ROBO1: variants seen among roughly 807,000 people sequenced by gnomAD.
ROBO1 encodes roundabout guidance receptor 1, also known as roundabout homolog 1.
ROBO1 carries 149 observed loss-of-function variants against 195.9 expected under a neutral mutation model. The ratio of observed to expected loss-of-function variants is 0.76; its 90% confidence interval spans 0.67 to 0.87. The LOEUF (loss-of-function observed/expected upper bound fraction) is 0.87, where lower values mean the gene tolerates loss of function less well. Among genes scored for constraint, ROBO1 ranks in the 40% least tolerant of loss-of-function variants. ROBO1 has a pLI of 0.00. For missense variants in ROBO1, 1,933 were observed against 2,068.3 expected, an observed-to-expected ratio of 0.93 and a Z score of 1.27; for synonymous variants, 816 against 733.2, an observed-to-expected ratio of 1.11 and a Z score of -1.82.
chr3:78,734,728 GA>G (rs1432018317), intron 5 of ROBO1, among the ~76,000 whole-genome samples: 1 of 152,038 alleles, frequency 6.6e-6, no homozygotes, highest in Admixed American at 6.6e-5. Flanking sequence ...CAAAACTGAG[GA>G]CTTTAATTCA....
intron 4 of ROBO1, among the ~76,000 whole-genome samples, chr3:78,844,289 TTG>T (rs1363010705): frequency 6.6e-5 from 10 of 152,128 alleles, no homozygotes; most frequent in Admixed American, 3.9e-4. Flanking sequence ...AGAGAATTGT[TTG>T]TGTTTTTGGA....
At chr3:79,684,789 C>T (rs1264398628) in intron 1 of ROBO1, among the ~76,000 whole-genome samples, 2 of 151,974 alleles carry the variant, frequency 1.3e-5, no homozygotes, top group East Asian at 3.9e-4. Context: ...AATTCTCCTG[C>T]CTCAGCCTCC....
chr3:79,522,728 T>C (rs1320382714), intron 2 of ROBO1, among the ~76,000 whole-genome samples: 3 of 152,184 alleles, frequency 2.0e-5, no homozygotes, highest in Non-Finnish European at 4.4e-5. Context: ...TGTTTAAAGA[T>C]AGCATTTATA....
At chr3:78,708,934 T>C (rs113347046) in intron 8 of ROBO1, among the ~76,000 whole-genome samples, 139 of 152,284 alleles carry the variant, frequency 9.1e-4, no homozygotes, top group African/African-American at 3.0e-3. Flanking sequence ...AATAACAATG[T>C]AATAAATCAA....
chr3:79,730,984 A>T (rs1703126511), intron 1 of ROBO1, among the ~76,000 whole-genome samples: 1 of 151,854 alleles, frequency 6.6e-6, no homozygotes, highest in African/African-American at 2.4e-5. Context: ...TCACTGTGTT[A>T]GCCAGGATGG....
At chr3:79,196,394 GGAGA>G (rs1384584012) in intron 2 of ROBO1, among the ~76,000 whole-genome samples, 1 of 149,968 alleles carries the variant, frequency 6.7e-6, no homozygotes, top group Non-Finnish European at 1.5e-5. Flanking sequence ...AGAGAGGGAG[GGAGA>G]GAGAAAGAAA....
intron 4 of ROBO1, among the ~76,000 whole-genome samples, chr3:78,770,007 G>A (rs2083331280): frequency 2.0e-5 from 3 of 152,102 alleles, no homozygotes; most frequent in Admixed American, 2.0e-4. Flanking sequence ...CAGCTCTTGA[G>A]ATTCTTTCCT....
At chr3:78,875,667 C>G (rs1251652585) in intron 4 of ROBO1, among the ~76,000 whole-genome samples, 1 of 151,968 alleles carries the variant, frequency 6.6e-6, no homozygotes. Context: ...GAATTCTGGC[C>G]AAGTATCCTG....
intron 29 of ROBO1, among the ~76,000 whole-genome samples, chr3:78,606,366 T>C (rs539517491): frequency 1.3e-5 from 2 of 152,324 alleles, no homozygotes; most frequent in East Asian, 3.9e-4. Flanking sequence ...AAAGATGGTC[T>C]CTGGCCCCAA....
chr3:79,665,341 A>C (rs186363883), intron 1 of ROBO1, among the ~76,000 whole-genome samples: 1 of 151,984 alleles, frequency 6.6e-6, no homozygotes, highest in Non-Finnish European at 1.5e-5. Context: ...CTTCAATATC[A>C]GTTTCTTATT....
chr3:79,555,389 A>G (rs1463545669), intron 2 of ROBO1, among the ~76,000 whole-genome samples: 1 of 152,098 alleles, frequency 6.6e-6, no homozygotes, highest in Non-Finnish European at 1.5e-5. Flanking sequence ...ATTAATTAGA[A>G]TAGTCATTCT....
At chr3:79,089,399 A>G (rs1352714329) in intron 3 of ROBO1, among the ~76,000 whole-genome samples, 1 of 152,198 alleles carries the variant, frequency 6.6e-6, no homozygotes, top group East Asian at 1.9e-4. Context: ...ATAGCCGACT[A>G]GTCAATTTTA....
intron 4 of ROBO1, among the ~76,000 whole-genome samples, chr3:78,818,813 A>G (rs185284748): frequency 6.6e-6 from 1 of 152,198 alleles, no homozygotes; most frequent in African/African-American, 2.4e-5. Flanking sequence ...CCCCTCTATC[A>G]CAGTTTCGCT....
chr3:79,678,983 TTTTC>T (rs1358476494), intron 1 of ROBO1, among the ~76,000 whole-genome samples: 14 of 152,014 alleles, frequency 9.2e-5, no homozygotes, highest in African/African-American at 3.1e-4. Flanking sequence ...TAATTAATTT[TTTTC>T]TTTTTTTAAT....
At chr3:79,031,210 GAACT>G (rs1467959888) in intron 3 of ROBO1, among the ~76,000 whole-genome samples, 1 of 152,296 alleles carries the variant, frequency 6.6e-6, no homozygotes, top group East Asian at 1.9e-4. Context: ...GATGAAATGA[GAACT>G]AACAAAATTT....
rs533550519 is a variant in ROBO1 at position 78,617,828 on chromosome 3, C to T, written c.4089G>A (p.Glu1363=). 3 of 1,613,948 alleles carry T rather than the reference C, an allele frequency of 1.9e-6. No individual in the cohort carries two copies. The highest frequency in any genetic ancestry group is 2.2e-5 in the East Asian group (1 of 44,818). The change falls in exon 27 of 31, where the codon GAG becomes GAA. Residue 1363 remains glutamate (E), a synonymous_variant. Coordinates refer to ENST00000464233, the MANE Select transcript of ROBO1 (RefSeq NM_002941.4). Reference sequence around the variant, plus strand: ...TGATCATGGACCCCGTGACAGAGCTCTCCAGGTCCCCAACACTGGAGGCAG... The same window carrying T: ...TGATCATGGACCCCGTGACAGAGCTTTCCAGGTCCCCAACACTGGAGGCAG... The part of the protein sequence containing the change: ...QTPASSVGDL[E]SSVTGSMING...
At chr3:78,690,398 T>C (rs1049043311) in intron 8 of ROBO1, among the ~76,000 whole-genome samples, 8 of 151,712 alleles carry the variant, frequency 5.3e-5, no homozygotes, top group Admixed American at 4.6e-4. Flanking sequence ...GGGAAGAAAA[T>C]AGGAAGTTAG....
chr3:79,215,434 T>C (rs2082040116), intron 2 of ROBO1, among the ~76,000 whole-genome samples: 1 of 152,118 alleles, frequency 6.6e-6, no homozygotes. Context: ...GTTTGTGATA[T>C]ATCTTCACTT....
At chr3:79,366,978 C>T (rs970802277) in intron 2 of ROBO1, among the ~76,000 whole-genome samples, 1 of 152,160 alleles carries the variant, frequency 6.6e-6, no homozygotes, top group Non-Finnish European at 1.5e-5. Context: ...TGGTGAGGCA[C>T]ATTTCCATGA....
Sources: gnomAD v4.1 joint callset for allele counts (sites outside exome capture counted in the v4.1 genomes callset) on GRCh38, gnomAD v4.1.1 for gene constraint, MANE v1.5 for transcripts, NCBI Gene and HGNC (gene_info 2026-07-23, HGNC 2026-07-21) for gene names.